The following NEGR1 variants were observed in gnomAD, a reference collection of about 807,000 sequenced individuals.
NEGR1 encodes the protein neuronal growth regulator 1.
In NEGR1, 10 loss-of-function variants were observed where a neutral mutation model predicts 40.9. That is an observed-to-expected ratio of 0.24 (90% CI 0.15 to 0.42). NEGR1 has a LOEUF of 0.42. NEGR1 is among the 10% of genes least tolerant of loss of function. The pLI is 1.00. For synonymous variants in NEGR1, 185 were observed against 166.8 expected (o/e 1.11, Z -0.84); for missense variants, 352 against 438.9 (o/e 0.80, Z 1.77).
At position 71,919,496 on chromosome 1, in the gene NEGR1, C is replaced by CTTT. The variant is rs79222767; in HGVS notation, c.409+15580_409+15582dup. On this transcript the variant is annotated intron_variant, in intron 2 of 6. Transcript: ENST00000357731. ...TCTTTCTAATACAAACTATCTTAAC[C>CTTT]TTTTTTTTTTTTTTTTAGCATCAGG... Among the ~76,000 whole-genome samples the CTTT allele has an allele frequency of 7.9e-5, 11 of 139,584 alleles. No homozygotes were observed. In the East Asian group the frequency reaches 1.7e-3, roughly 21 times the overall value. The allele number at this position is 139,584 out of a possible 152,430, so 91.6% of individuals were successfully genotyped here. A position where few individuals can be genotyped will look rare whatever the true frequency, so the allele number is the denominator to read the frequency against.
At chr1:71,451,551 G>T (rs1221791471) in intron 6 of NEGR1, among the ~76,000 whole-genome samples, 1 of 151,976 alleles carries the variant, frequency 6.6e-6, no homozygotes, top group Non-Finnish European at 1.5e-5. Context: ...GGCCAGGCTG[G>T]TCTCAAACTC....
chr1:72,077,597 C>T (rs1647798844), intron 1 of NEGR1, among the ~76,000 whole-genome samples: 1 of 151,536 alleles, frequency 6.6e-6, no homozygotes, highest in Admixed American at 6.6e-5. Flanking sequence ...TGAGACCAGG[C>T]TGGGCAACAC....
At chr1:72,016,525 A>C (rs1034787875) in intron 1 of NEGR1, among the ~76,000 whole-genome samples, 4 of 152,184 alleles carry the variant, frequency 2.6e-5, no homozygotes, top group Admixed American at 2.0e-4. Context: ...ATAGACTGGA[A>C]AGTTTTTAAA....
chr1:71,696,206 T>C (rs1570223072), intron 4 of NEGR1, among the ~76,000 whole-genome samples: 1 of 151,774 alleles, frequency 6.6e-6, no homozygotes, highest in Non-Finnish European at 1.5e-5. Flanking sequence ...AGTTTCTGCC[T>C]CCTTAAGTTG....
At chr1:72,141,479 G>T (rs1488197455) in intron 1 of NEGR1, among the ~76,000 whole-genome samples, 1 of 151,986 alleles carries the variant, frequency 6.6e-6, no homozygotes, top group Non-Finnish European at 1.5e-5. Context: ...ATATTTGGAA[G>T]TTGGTTACTG....
At chr1:72,196,227 C>A (rs1350573658) in intron 1 of NEGR1, among the ~76,000 whole-genome samples, 1 of 151,936 alleles carries the variant, frequency 6.6e-6, no homozygotes. Context: ...CTCACTGGAA[C>A]ATTTTGGATT....
At chr1:72,122,009 C>T (rs899100529) in intron 1 of NEGR1, among the ~76,000 whole-genome samples, 1 of 151,722 alleles carries the variant, frequency 6.6e-6, no homozygotes, top group African/African-American at 2.4e-5. Context: ...AAACTAAATA[C>T]CGATTGTTTC....
At chr1:71,897,284 C>T (rs1331295040) in intron 2 of NEGR1, among the ~76,000 whole-genome samples, 2 of 152,064 alleles carry the variant, frequency 1.3e-5, no homozygotes, top group Non-Finnish European at 2.9e-5. Flanking sequence ...AAAGACTAAG[C>T]TCATTATAAC....
intron 4 of NEGR1, among the ~76,000 whole-genome samples, chr1:71,688,403 T>TATAAAAGATCTATATAA: frequency 3.3e-5 from 1 of 30,138 alleles, no homozygotes; most frequent in South Asian, 1.3e-3. Context: ...AATATATATA[T>TATAAAAGATCTATATAA]AAGATATATA....
chr1:72,244,152 T>C (rs1397904770), intron 1 of NEGR1, among the ~76,000 whole-genome samples: 2 of 151,810 alleles, frequency 1.3e-5, no homozygotes, highest in Non-Finnish European at 1.5e-5. Context: ...AGTATACATG[T>C]GATTTCATAT....
chr1:71,947,462 A>C (rs959489195), intron 1 of NEGR1, among the ~76,000 whole-genome samples: 2 of 152,102 alleles, frequency 1.3e-5, no homozygotes, highest in Non-Finnish European at 2.9e-5. Context: ...ACAACAAACA[A>C]TTACAGGAAT....
At chr1:72,121,351 T>A (rs1262615657) in intron 1 of NEGR1, among the ~76,000 whole-genome samples, 2 of 152,004 alleles carry the variant, frequency 1.3e-5, no homozygotes. Context: ...AAGTTTGCCA[T>A]GGGATATTCG....
intron 6 of NEGR1, among the ~76,000 whole-genome samples, chr1:71,545,707 G>A (rs947429702): frequency 6.6e-6 from 1 of 151,566 alleles, no homozygotes; most frequent in Non-Finnish European, 1.5e-5. Flanking sequence ...AAGGAGCAGG[G>A]CATTACTGGC....
At chr1:72,225,352 T>C (rs1409244335) in intron 1 of NEGR1, among the ~76,000 whole-genome samples, 1 of 152,016 alleles carries the variant, frequency 6.6e-6, no homozygotes, top group Non-Finnish European at 1.5e-5. Context: ...ATATCTTTTA[T>C]AATAAAGTTA....
chr1:71,442,346 G>A (rs1233466095), intron 6 of NEGR1, among the ~76,000 whole-genome samples: 2 of 151,246 alleles, frequency 1.3e-5, no homozygotes, highest in Non-Finnish European at 1.5e-5. Context: ...CGGGTGCGGT[G>A]GCTCAAGCCT....
chr1:72,133,248 A>G (rs771204151), intron 1 of NEGR1, among the ~76,000 whole-genome samples: 1 of 152,094 alleles, frequency 6.6e-6, no homozygotes, highest in Non-Finnish European at 1.5e-5. Flanking sequence ...CCTACAACCT[A>G]ATTTGTTGCC....
chr1:71,612,650 C>A (rs1356179532), intron 4 of NEGR1, among the ~76,000 whole-genome samples: 2 of 152,086 alleles, frequency 1.3e-5, no homozygotes, highest in Non-Finnish European at 2.9e-5. Flanking sequence ...TAAGAGGAAT[C>A]AGAGAATGGA....
intron 1 of NEGR1, among the ~76,000 whole-genome samples, chr1:72,198,081 A>C (rs1653064138): frequency 1.3e-5 from 2 of 152,004 alleles, no homozygotes; most frequent in Non-Finnish European, 2.9e-5. Flanking sequence ...GAATAGGCGG[A>C]GGCTGCTGGT....
chr1:72,274,534 T>C lies in NEGR1; in HGVS notation c.176+7785A>G, dbSNP rs1655970868. On this transcript the variant is annotated intron_variant, in intron 1 of 6. Transcript: ENST00000357731. ...GTTGTCTGTATCGGTATCCCAATGT[T>C]TGTTTAAAACTGATCCAATTAAACT... The C allele has an allele frequency of 1.1e-5, 8 of 709,148 alleles. No individual in the cohort carries two copies. The South Asian group carries it at 1.3e-4, about 11-fold the overall frequency. The allele number at this position is 709,148 out of a possible 1,614,324, so 43.9% of individuals were successfully genotyped here.
Sources: gnomAD v4.1 joint callset for allele counts (sites outside exome capture counted in the v4.1 genomes callset) on GRCh38, gnomAD v4.1.1 for gene constraint, MANE v1.5 for transcripts, NCBI Gene and HGNC (gene_info 2026-07-23, HGNC 2026-07-21) for gene names.